The following ABCC12 variants were observed in gnomAD, a reference collection of about 807,000 sequenced individuals.
The protein encoded by ABCC12 is ATP binding cassette subfamily C member 12.
In ABCC12, 142 loss-of-function variants were observed where a neutral mutation model predicts 151.1. The observed-to-expected ratio is 0.94, with a 90% CI of 0.82 to 1.08. The LOEUF (loss-of-function observed/expected upper bound fraction) is 1.08, where lower values mean the gene tolerates loss of function less well. Among genes scored for constraint, ABCC12 ranks in the 50% least tolerant of loss-of-function variants. The pLI is 0.00. For synonymous variants in ABCC12, 645 were observed against 646.4 expected, an observed-to-expected ratio of 1.00 and a Z score of 0.03; for missense variants, 1,638 against 1,691.1, an observed-to-expected ratio of 0.97 and a Z score of 0.55.
chr16:48,140,161 G>A (rs1964755688), intron 6 of ABCC12, among the ~76,000 whole-genome samples: 1 of 152,092 alleles, frequency 6.6e-6, no homozygotes, highest in South Asian at 2.1e-4. Context: ...ACACCACCTG[G>A]GGTTCCCTTG....
intron 23 of ABCC12, 90 bp from the exon 24 acceptor site, chr16:48,096,992 G>C: frequency 1.3e-6 from 2 of 1,525,818 alleles, no homozygotes; most frequent in Non-Finnish European, 1.8e-6. Flanking sequence ...CTTAAGGTTA[G>C]GGTGACTGGA....
rs569292380 is a variant in ABCC12 at position 48,151,095 on chromosome 16, A to T, written c.-51+2521T>A. On this transcript the variant is annotated intron_variant, in intron 2 of 30. Transcript: ENST00000311303. ...GTACCATATGGAAAAGGAAAAAAAA[A>T]TAGCAACTTTGCAGTGGAGAAGCCT... Among the ~76,000 whole-genome samples the T allele has an allele frequency of 2.6e-5, 4 of 152,318 alleles. 1 individual carries two copies. The highest frequency in any genetic ancestry group is 9.6e-5 in the African/African-American group (4 of 41,558).
Position 48,091,106 on chromosome 16 carries a change from C to A in ABCC12, c.3285+14G>T, listed in dbSNP as rs756630119. 6.8e-6 allele frequency: 11 copies of A among 1,613,152 alleles called. No homozygotes were observed. The South Asian group carries it at 1.1e-4, about 16-fold the overall frequency. On this transcript the variant is annotated intron_variant, in intron 25 of 30. Transcript: ENST00000311303. Reference sequence around the variant, plus strand: ...ATTAACTTGTCCCTCCTCTCTGATGCACTAATTTCTTACCGAAATGTATTC... The same window carrying A: ...ATTAACTTGTCCCTCCTCTCTGATGAACTAATTTCTTACCGAAATGTATTC...
Position 48,086,731 on chromosome 16 carries a change from A to G in ABCC12, c.3714+10T>C, listed in dbSNP as rs981447824. On this transcript the variant is annotated intron_variant, in intron 28 of 30. Coordinates refer to ENST00000311303, the MANE Select transcript of ABCC12 (RefSeq NM_001393797.1). Reference sequence around the variant, plus strand: ...AAACAAACTCCTCCTCAACAGCCCCAGAGACCTACTGTGTCTCTCATGAAT... The same window carrying G: ...AAACAAACTCCTCCTCAACAGCCCCGGAGACCTACTGTGTCTCTCATGAAT... 4 of 1,610,540 alleles carry G rather than the reference A, an allele frequency of 2.5e-6. No individual in the cohort carries two copies. The highest frequency in any genetic ancestry group is 1.3e-5 in the African/African-American group (1 of 74,934).
chr16:48,141,771 T>C (rs1964824915), intron 4 of ABCC12, among the ~76,000 whole-genome samples: 1 of 151,992 alleles, frequency 6.6e-6, no homozygotes, highest in Non-Finnish European at 1.5e-5. Context: ...GATGGAACAG[T>C]GGGAAGCAAG....
intron 24 of ABCC12, among the ~76,000 whole-genome samples, chr16:48,092,917 G>A (rs1048652049): frequency 4.6e-5 from 7 of 152,166 alleles, no homozygotes; most frequent in Admixed American, 2.0e-4. Context: ...CAGGGGGTGC[G>A]AGCAGGCGCG....
chr16:48,105,089 T>C (rs1251058008), intron 21 of ABCC12, 50 bp downstream of exon 21: 18 of 1,608,718 alleles, frequency 1.1e-5, no homozygotes, highest in Admixed American at 1.7e-5. Flanking sequence ...GTGCTCCGTA[T>C]ACCTTGTTGA....
At chr16:48,104,031 T>C in intron 22 of ABCC12, 111 bp downstream of exon 22, 1 of 1,184,234 alleles carries the variant, frequency 8.4e-7, no homozygotes, top group Non-Finnish European at 1.2e-6. Flanking sequence ...ACAAAAAAAA[T>C]CAATGGTAGA....
chr16:48,091,725 G>T (rs914700734), intron 24 of ABCC12, among the ~76,000 whole-genome samples: 8 of 152,170 alleles, frequency 5.3e-5, no homozygotes, highest in Non-Finnish European at 7.3e-5. Context: ...GCTTGCTAAG[G>T]TCACCCACCT....
chr16:48,122,568 A>C lies in ABCC12; in HGVS notation c.1588-728T>G, dbSNP rs148805370. 1.7e-3 allele frequency among the ~76,000 whole-genome samples: 266 copies of C among 152,224 alleles called. 1 individual carries two copies. Among genetic ancestry groups the C allele is most frequent in the African/African-American group, 5.9e-3 (245 of 41,542 alleles). On this transcript the variant is annotated intron_variant, in intron 12 of 30. Coordinates refer to ENST00000311303, the MANE Select transcript of ABCC12 (RefSeq NM_001393797.1). ...GTTCAAAGTTATCAACAGAGGGTAC[A>C]TGTGGGGCAGGCCACAGTGCTCAGG...
rs1597311098 is a variant in ABCC12 at position 48,111,312 on chromosome 16, C to G, written c.2281+124G>C. On this transcript the variant is annotated intron_variant, in intron 18 of 30. Coordinates refer to ENST00000311303, the MANE Select transcript of ABCC12 (RefSeq NM_001393797.1). The stretch of plus-strand genomic sequence containing the variant: ...AGTGGAACCCCAAGGCACACAGTAC[C>G]CTAGACCATCCAATTCTGGCTGCCC... 1.3e-5 allele frequency: 16 copies of G among 1,188,890 alleles called. No homozygotes were observed. In the East Asian group the frequency reaches 3.5e-4, roughly 26 times the overall value. The allele number at this position is 1,188,890 out of a possible 1,614,324, so 73.6% of individuals were successfully genotyped here. A position where few individuals can be genotyped will look rare whatever the true frequency, so the allele number is the denominator to read the frequency against.
intron 10 of ABCC12, among the ~76,000 whole-genome samples, chr16:48,129,323 T>G (rs997214150): frequency 6.6e-6 from 1 of 152,216 alleles, no homozygotes; most frequent in Non-Finnish European, 1.5e-5. Flanking sequence ...GAAGGGACAC[T>G]TGGCTCTCAT....
chr16:48,128,442 G>C lies in ABCC12; in HGVS notation c.1515+17C>G. The C allele has an allele frequency of 6.2e-7, 1 of 1,612,784 alleles. No individual in the cohort carries two copies. The highest frequency in any genetic ancestry group is 2.2e-5 in the East Asian group (1 of 44,868). On this transcript the variant is annotated intron_variant, in intron 11 of 30. Coordinates refer to ENST00000311303, the MANE Select transcript of ABCC12 (RefSeq NM_001393797.1). ...AGGAGGAGGGCTGGAGGCCACACCT[G>C]TGCAACACACACCCACCTTTCTCAC... is the stretch of plus-strand genomic sequence containing the variant.
chr16:48,099,132 A>T (rs1262809301), intron 23 of ABCC12, among the ~76,000 whole-genome samples: 1 of 152,168 alleles, frequency 6.6e-6, no homozygotes, highest in Non-Finnish European at 1.5e-5. Context: ...AATTTAATGC[A>T]ATTCCAGGCT....
chr16:48,085,759 T>C (rs1164669108), intron 28 of ABCC12, 53 bp from the exon 29 acceptor site: 5 of 1,456,434 alleles, frequency 3.4e-6, no homozygotes, highest in Non-Finnish European at 2.9e-6. Context: ...AAAATTGTCC[T>C]ATGCTGTCTG....
intron 16 of ABCC12, 21 bp from the exon 17 acceptor site, chr16:48,111,683 C>T (rs1207540195): frequency 1.2e-6 from 2 of 1,614,084 alleles, no homozygotes; most frequent in African/African-American, 1.3e-5. Context: ...AATGAAATTC[C>T]TTCTGAATGC....
chr16:48,119,654 T>C (rs532417978), intron 13 of ABCC12, among the ~76,000 whole-genome samples: 1 of 152,200 alleles, frequency 6.6e-6, no homozygotes, highest in Non-Finnish European at 1.5e-5. Context: ...AGAACATACA[T>C]GCTGCCATAC....
In ABCC12 at chr16:48,104,228, C is replaced by T. The variant is rs752005424; in HGVS notation, c.2814G>A (p.Val938=). The part of the protein sequence containing the change: ...ENFLQQFFMV[V]FILVILAAVF... ...CAGCAGCCAAGATCACGAGAATAAA[C>T]ACCACCATAAAAAACTGCTGCAGAA... Residue 938 remains valine, a synonymous_variant, in exon 22 of 31, where the codon GTG becomes GTA. Coordinates refer to ENST00000311303, the MANE Select transcript of ABCC12 (RefSeq NM_001393797.1). 6.2e-7 allele frequency: 1 copy of T among 1,614,246 alleles called. No individual in the cohort carries two copies. The highest frequency in any genetic ancestry group is 2.2e-5 in the East Asian group (1 of 44,884).
Position 48,100,951 on chromosome 16 carries a change from A to AT in ABCC12, c.2958_2959insA (p.Trp987MetfsTer33). The AT allele has an allele frequency of 6.2e-7, 1 of 1,614,224 alleles. No individual in the cohort carries two copies. Among genetic ancestry groups the AT allele is most frequent in the Admixed American group, 1.7e-5 (1 of 60,028 alleles). ...ATGGAGGAGGTGATGTGGGTGAACC[A>AT]GGGTGACCGGCTGACATTCTCCACC... On this transcript the variant is annotated frameshift_variant, in exon 23 of 31. Coordinates refer to ENST00000311303, the MANE Select transcript of ABCC12 (RefSeq NM_001393797.1). LOFTEE classifies it high-confidence loss of function.
Sources: allele counts gnomAD v4.1 joint callset (sites outside exome capture counted in the v4.1 genomes callset), GRCh38; gene constraint gnomAD v4.1.1; transcripts MANE v1.5; gene names NCBI Gene and HGNC (gene_info 2026-07-23, HGNC 2026-07-21).